DAB1: variants seen among roughly 807,000 people sequenced by gnomAD.
The protein encoded by DAB1 is DAB adaptor protein 1.
DAB1 carries 15 observed loss-of-function variants against 64.6 expected under a neutral mutation model. That is an observed-to-expected ratio of 0.23 (90% CI 0.16 to 0.36). DAB1 has a LOEUF of 0.36. Ranked by LOEUF, DAB1 falls within the 10% of genes least tolerant of loss-of-function variation. The pLI is 1.00. For missense variants in DAB1, 596 were observed against 706.7 expected (o/e 0.84, Z 1.78); for synonymous variants, 235 against 251.9 (o/e 0.93, Z 0.64).
chr1:58,104,905 G>A (rs952856443), intron 5 of DAB1, among the ~76,000 whole-genome samples: 1 of 152,108 alleles, frequency 6.6e-6, no homozygotes, highest in African/African-American at 2.4e-5. Flanking sequence ...ATTCTCTGAA[G>A]TGAAAACATC....
At position 58,353,292 on chromosome 1, in the gene DAB1, G is replaced by A. The variant is rs147637000; in HGVS notation, n.258-9889C>T. 1.7e-4 allele frequency among the ~76,000 whole-genome samples: 26 copies of A among 152,204 alleles called. No individual in the cohort carries two copies. In the East Asian group the frequency reaches 4.0e-3, roughly 24 times the overall value. On this transcript the variant is annotated intron_variant and non_coding_transcript_variant, in intron 3 of 20. Transcript: ENST00000485760. ...ATTTTGATCACCAGGAGATAACCAC[G>A]GTTACTGTTTTGAGTTGATTTCATT...
chr1:58,006,015 T>C (rs1440101767), intron 5 of DAB1, among the ~76,000 whole-genome samples: 2 of 152,112 alleles, frequency 1.3e-5, no homozygotes, highest in African/African-American at 4.8e-5. Context: ...TTTCCCCAAT[T>C]AACACAGCAG....
chr1:58,224,663 G>A (rs1242174914), intron 4 of DAB1, among the ~76,000 whole-genome samples: 1 of 151,994 alleles, frequency 6.6e-6, no homozygotes, highest in Non-Finnish European at 1.5e-5. Flanking sequence ...CTCAAAAAGG[G>A]GGCAAGACAT....
chr1:58,074,291 A>G (rs527583743), intron 5 of DAB1: 4 of 152,102 alleles, frequency 2.6e-5, no homozygotes, highest in African/African-American at 9.6e-5. Context: ...TGACAGTTTT[A>G]GAGCAGAGGA....
At chr1:57,744,000 CGCCCTGGGCGG>C (rs1410694783) in intron 6 of DAB1, among the ~76,000 whole-genome samples, 2 of 152,218 alleles carry the variant, frequency 1.3e-5, no homozygotes, top group Non-Finnish European at 2.9e-5. Context: ...AGCAGTTTTC[CGCCCTGGGCGG>C]GCCAGGTGTT....
intron 6 of DAB1, among the ~76,000 whole-genome samples, chr1:57,689,758 C>T (rs974265146): frequency 6.6e-6 from 1 of 152,138 alleles, no homozygotes; most frequent in Admixed American, 6.6e-5. Context: ...CTTTGTGTTA[C>T]AAATAATCCA....
At chr1:57,569,581 A>T (rs1160733203) in intron 7 of DAB1, among the ~76,000 whole-genome samples, 1 of 147,390 alleles carries the variant, frequency 6.8e-6, no homozygotes, top group Non-Finnish European at 1.5e-5. Context: ...GGAACATCAT[A>T]CACCGGGGCC....
chr1:57,347,597 A>C (rs193212656), intron 1 of DAB1, among the ~76,000 whole-genome samples: 1 of 152,272 alleles, frequency 6.6e-6, no homozygotes, highest in Non-Finnish European at 1.5e-5. Context: ...ATTTATATTT[A>C]AGTGATTTCA....
intron 3 of DAB1, among the ~76,000 whole-genome samples, chr1:58,431,831 G>A (rs1357417798): frequency 6.6e-6 from 1 of 151,982 alleles, no homozygotes; most frequent in Non-Finnish European, 1.5e-5. Context: ...ACAGAGGCCT[G>A]ACCCCCTTGC....
intron 9 of DAB1, among the ~76,000 whole-genome samples, chr1:57,026,512 G>A (rs1375576221): frequency 1.3e-5 from 2 of 152,104 alleles, no homozygotes; most frequent in African/African-American, 4.8e-5. Flanking sequence ...TGAGAGGTAG[G>A]AATCATCATC....
At chr1:57,538,208 T>A (rs192634499) in intron 7 of DAB1, among the ~76,000 whole-genome samples, 1 of 152,334 alleles carries the variant, frequency 6.6e-6, no homozygotes. Context: ...GACATTTTTT[T>A]AATGTTTTCC....
chr1:58,265,800 C>T (rs905021666), intron 4 of DAB1, among the ~76,000 whole-genome samples: 1 of 152,122 alleles, frequency 6.6e-6, no homozygotes, highest in African/African-American at 2.4e-5. Context: ...ACCATTTCAA[C>T]ACAGATTGTG....
At chr1:57,030,713 A>G (rs984467080) in intron 9 of DAB1, among the ~76,000 whole-genome samples, 5 of 152,246 alleles carry the variant, frequency 3.3e-5, no homozygotes, top group African/African-American at 4.8e-5. Flanking sequence ...GTGCTCTCCC[A>G]AATCTTGCTG....
At chr1:57,919,136 T>C (rs1037374637) in intron 5 of DAB1, among the ~76,000 whole-genome samples, 44 of 152,154 alleles carry the variant, frequency 2.9e-4, no homozygotes, top group African/African-American at 1.0e-3. Flanking sequence ...CCCCTTACTC[T>C]CCATTTCCTC....
At chr1:58,021,656 A>C (rs964358998) in intron 5 of DAB1, among the ~76,000 whole-genome samples, 1 of 152,212 alleles carries the variant, frequency 6.6e-6, no homozygotes, top group African/African-American at 2.4e-5. Flanking sequence ...CCAAAAACCA[A>C]AGCAGATGAT....
intron 2 of DAB1, among the ~76,000 whole-genome samples, chr1:58,512,289 T>C (rs182384022): frequency 1.6e-3 from 251 of 152,308 alleles, no homozygotes; most frequent in Non-Finnish European, 2.7e-3. Context: ...GGAACTCTTG[T>C]ACACTGTCAG....
chr1:58,239,283 T>C (rs1660184709), intron 4 of DAB1, among the ~76,000 whole-genome samples: 1 of 152,230 alleles, frequency 6.6e-6, no homozygotes, highest in Non-Finnish European at 1.5e-5. Flanking sequence ...CTGAAATAGC[T>C]GCACAACCTA....
At chr1:57,949,377 T>G (rs1645232459) in intron 5 of DAB1, among the ~76,000 whole-genome samples, 1 of 152,210 alleles carries the variant, frequency 6.6e-6, no homozygotes, top group Non-Finnish European at 1.5e-5. Context: ...CACCTCCTGC[T>G]GGGCAGCCCA....
intron 4 of DAB1, among the ~76,000 whole-genome samples, chr1:58,298,091 A>T (rs1046356642): frequency 8.5e-5 from 13 of 152,256 alleles, no homozygotes; most frequent in African/African-American, 3.1e-4. Flanking sequence ...TGTTGAGGCT[A>T]TCATTCACAT....
Sources: gnomAD v4.1 joint callset for allele counts (sites outside exome capture counted in the v4.1 genomes callset) on GRCh38, gnomAD v4.1.1 for gene constraint, MANE v1.5 for transcripts, NCBI Gene and HGNC (gene_info 2026-07-23, HGNC 2026-07-21) for gene names.